The following PHEX variants were observed in gnomAD, a reference collection of about 807,000 sequenced individuals.
The protein encoded by PHEX is phosphate-regulating neutral endopeptidase PHEX.
In PHEX, 16 loss-of-function variants were observed where a neutral mutation model predicts 68.0. That is an observed-to-expected ratio of 0.24 (90% CI 0.16 to 0.36). PHEX has a LOEUF of 0.36. PHEX is among the 10% of genes least tolerant of loss of function. The probability of loss-of-function intolerance (pLI) is 1.00; values close to 1 mark genes in which losing one functional copy is unlikely to be tolerated. For missense variants in PHEX, 480 were observed against 575.5 expected, an observed-to-expected ratio of 0.83 and a Z score of 1.70; for synonymous variants, 208 against 205.1, an observed-to-expected ratio of 1.01 and a Z score of -0.12.
At chrX:22,062,487 TG>T (rs1197615606) in intron 3 of PHEX, among the ~76,000 whole-genome samples, 3 of 111,728 alleles carry the variant, frequency 2.7e-5, no homozygotes, top group African/African-American at 9.8e-5. Flanking sequence ...AACTTACCCA[TG>T]AGGCATTTTC....
At chrX:22,088,526 G>A (rs79013462) in intron 5 of PHEX, among the ~76,000 whole-genome samples, 2 of 110,881 alleles carry the variant, frequency 1.8e-5, no homozygotes, top group East Asian at 5.6e-4. Flanking sequence ...TTTATTGTGG[G>A]TTTAATTTAC....
intron 15 of PHEX, among the ~76,000 whole-genome samples, chrX:22,202,485 G>A (rs1176532908): frequency 8.9e-6 from 1 of 111,998 alleles, no homozygotes; most frequent in African/African-American, 3.2e-5. Context: ...GTACAAATTT[G>A]TATTTCCAGT....
chrX:22,241,551 G>A (rs1011573063), intron 20 of PHEX, among the ~76,000 whole-genome samples: 4 of 111,245 alleles, frequency 3.6e-5, no homozygotes, highest in Non-Finnish European at 7.5e-5. Context: ...ATAAAAGAGG[G>A]AAGAATGAAA....
Position 22,092,428 on chromosome X carries a change from G to A in PHEX, c.733-1555G>A, listed in dbSNP as rs757297009. Reference sequence around the variant, plus strand: ...CACTGTGTTGCCCCTGCTGAAGTGCGGTGGCACAATCTCGACTCATTGCAA... The same window carrying A: ...CACTGTGTTGCCCCTGCTGAAGTGCAGTGGCACAATCTCGACTCATTGCAA... On this transcript the variant is annotated intron_variant, in intron 6 of 21. Coordinates refer to ENST00000379374, the MANE Select transcript of PHEX (RefSeq NM_000444.6). Among the ~76,000 whole-genome samples the A allele has an allele frequency of 8.1e-5, 9 of 111,215 alleles. No homozygotes were observed. The South Asian group carries it at 1.5e-3, about 19-fold the overall frequency.
In PHEX at chrX:22,178,362, C is replaced by T. The variant is rs1045670675; in HGVS notation, c.1572C>T (p.Ala524=). The stretch of plus-strand genomic sequence containing the variant: ...CTGATTTCTTCTGGCTAAGAAAAGC[C>T]GTTCCAAAAACAGAGTGAGTATTAA... ...AQSDFFWLRK[A]VPKTEWFTNP... is the part of the protein sequence containing the mutation. The change falls in exon 14 of 22, where the codon GCC becomes GCT. Residue 524 remains alanine, a synonymous_variant. Coordinates refer to ENST00000379374, the MANE Select transcript of PHEX (RefSeq NM_000444.6). 17 of 1,179,848 alleles carry T rather than the reference C, an allele frequency of 1.4e-5. No individual in the cohort carries two copies. The highest frequency in any genetic ancestry group is 9.0e-5 in the East Asian group (3 of 33,203).
chrX:22,126,834 T>A (rs1236838112), intron 11 of PHEX, among the ~76,000 whole-genome samples: 1 of 107,625 alleles, frequency 9.3e-6, no homozygotes, highest in Non-Finnish European at 1.9e-5. Flanking sequence ...TGTATTTTTA[T>A]AGTGTGGATC....
chrX:22,094,262 C>A (rs1333449261), intron 7 of PHEX, among the ~76,000 whole-genome samples, 163 bp downstream of exon 7: 1 of 111,975 alleles, frequency 8.9e-6, no homozygotes, highest in East Asian at 2.8e-4. Context: ...CAAGGTAGAA[C>A]TAATAGCATC....
At chrX:22,043,855 A>G (rs113597618) in intron 2 of PHEX, among the ~76,000 whole-genome samples, 2,384 of 110,890 alleles carry the variant, frequency 0.021, 65 homozygotes, top group African/African-American at 0.073. Context: ...TATTTCTTTT[A>G]TTAAAACAAG....
intron 9 of PHEX, among the ~76,000 whole-genome samples, chrX:22,107,867 T>C (rs1302430000): frequency 1.8e-5 from 2 of 111,895 alleles, no homozygotes; most frequent in African/African-American, 6.5e-5. Flanking sequence ...TGTTAGTATA[T>C]ATGTGGGTGC....
chrX:22,097,360 T>A (rs182667555), intron 8 of PHEX, among the ~76,000 whole-genome samples: 8 of 112,484 alleles, frequency 7.1e-5, no homozygotes, highest in Admixed American at 2.8e-4. Context: ...TATCTTTCCA[T>A]CCTACTGTGT....
In PHEX at chrX:22,162,262, A is replaced by G. The variant is rs184938821; in HGVS notation, c.1405-6050A>G. On this transcript the variant is annotated intron_variant, in intron 12 of 21. Transcript: ENST00000379374. ...CTAGGAAAATCTCCTACCATGCTCC[A>G]AGAAGCTTGTACATTTGTCTTCCAT... Among the ~76,000 whole-genome samples, 172 of 112,322 alleles carry G rather than the reference A, an allele frequency of 1.5e-3. 1 individual carries two copies. Among genetic ancestry groups the G allele is most frequent in the Non-Finnish European group, 2.0e-3 (107 of 53,272 alleles).
At chrX:22,079,101 G>T (rs886468397) in intron 5 of PHEX, among the ~76,000 whole-genome samples, 2 of 111,926 alleles carry the variant, frequency 1.8e-5, no homozygotes, top group African/African-American at 6.5e-5. Flanking sequence ...AACACCTTAA[G>T]TTGGTGTTTT....
rs758797794 is a variant in PHEX at position 22,231,593 on chromosome X, A to T, written c.2070+3982A>T. On this transcript the variant is annotated intron_variant, in intron 20 of 21. Coordinates refer to ENST00000379374, the MANE Select transcript of PHEX (RefSeq NM_000444.6). ...TATAGTATTCTCTGATGGTAGTTTG[A>T]ATTTCTGTGGGATTCTTGGTGATAT... Among the ~76,000 whole-genome samples the T allele has an allele frequency of 3.0e-3, 337 of 110,603 alleles. 2 individuals are homozygous for T. Among genetic ancestry groups the T allele is most frequent in the African/African-American group, 0.01 (308 of 30,311 alleles).
chrX:22,111,393 T>C (rs1930958197), intron 9 of PHEX, 74 bp from the exon 10 acceptor site: 2 of 833,948 alleles, frequency 2.4e-6, no homozygotes, highest in African/African-American at 2.0e-5. Context: ...GCCAACTGTT[T>C]CTCTCAAGAT....
rs751908807 is a variant in PHEX, at chrX:22,221,599, T to G, written c.1769-14T>G. ...TAAATAACACAAATGTCTTCGAACT[T>G]TTCCTTTTGCTAGGTAGAAAATATG... On this transcript the variant is annotated splice_polypyrimidine_tract_variant and intron_variant, in intron 17 of 21. Coordinates refer to ENST00000379374, the MANE Select transcript of PHEX (RefSeq NM_000444.6). 8.4e-7 allele frequency: 1 copy of G among 1,190,944 alleles called. No homozygotes were observed. The highest frequency in any genetic ancestry group is 3.0e-5 in the East Asian group (1 of 33,757).
chrX:22,136,053 T>TC (rs1328770188), intron 12 of PHEX, among the ~76,000 whole-genome samples: 3 of 102,282 alleles, frequency 2.9e-5, no homozygotes, highest in Non-Finnish European at 5.9e-5. Context: ...TTTTTTTTTT[T>TC]CCCCTCAAAA....
chrX:22,171,855 G>C (rs925874352), intron 13 of PHEX: 6 of 111,719 alleles, frequency 5.4e-5, no homozygotes, highest in Admixed American at 3.8e-4. Flanking sequence ...ATGAGAGGCT[G>C]TTACAAATGA....
chrX:22,136,053 T>C (rs201722311), intron 12 of PHEX, among the ~76,000 whole-genome samples: 6,486 of 102,248 alleles, frequency 0.063, 174 homozygotes, highest in African/African-American at 0.094. Flanking sequence ...TTTTTTTTTT[T>C]CCCCTCAAAA....
At chrX:22,185,976 G>A (rs1208692402) in intron 14 of PHEX, among the ~76,000 whole-genome samples, 2 of 110,528 alleles carry the variant, frequency 1.8e-5, no homozygotes, top group Non-Finnish European at 1.9e-5. Context: ...GGCTGGTTTC[G>A]AACTCCTGAC....
Sources: gnomAD v4.1 joint callset for allele counts (sites outside exome capture counted in the v4.1 genomes callset) on GRCh38, gnomAD v4.1.1 for gene constraint, MANE v1.5 for transcripts, NCBI Gene and HGNC (gene_info 2026-07-23, HGNC 2026-07-21) for gene names.